Variants in KCNMA1 observed in about 807,000 individuals in gnomAD.
KCNMA1 encodes Calcium-activated potassium channel subunit alpha-1.
A neutral mutation model predicts 140.0 loss-of-function variants in KCNMA1; 29 were observed. The observed-to-expected ratio is 0.21, with a 90% CI of 0.15 to 0.28. KCNMA1 has a LOEUF of 0.28. Ranked by LOEUF, KCNMA1 falls within the 10% of genes least tolerant of loss-of-function variation. KCNMA1 has a pLI of 1.00. For synonymous variants in KCNMA1, 612 were observed against 611.9 expected (o/e 1.00, Z 0.00); for missense variants, 880 against 1,602.2 (o/e 0.55, Z 7.70).
chr10:76,897,635 C>A (rs1294098175), intron 25 of KCNMA1, among the ~76,000 whole-genome samples: 1 of 151,588 alleles, frequency 6.6e-6, no homozygotes, highest in African/African-American at 2.4e-5. Flanking sequence ...TAATTTTAAA[C>A]CCTTAGTAAC....
intron 2 of KCNMA1, among the ~76,000 whole-genome samples, chr10:77,280,387 G>A (rs2154294732): frequency 6.6e-6 from 1 of 152,320 alleles, no homozygotes; most frequent in Non-Finnish European, 1.5e-5. Context: ...TGAAAATTCT[G>A]TCCTGTCCAA....
At chr10:77,064,984 A>G (rs566216730) in intron 14 of KCNMA1, among the ~76,000 whole-genome samples, 4 of 152,310 alleles carry the variant, frequency 2.6e-5, no homozygotes, top group African/African-American at 7.2e-5. Context: ...AGGGAATCAT[A>G]TACAGTAGCA....
chr10:77,419,486 A>G (rs1166052806), intron 1 of KCNMA1, among the ~76,000 whole-genome samples: 1 of 152,132 alleles, frequency 6.6e-6, no homozygotes, highest in Non-Finnish European at 1.5e-5. Context: ...ACTAGAAGCT[A>G]GGCAGAAAGA....
chr10:76,989,630 G>A (rs1163346514), intron 19 of KCNMA1, among the ~76,000 whole-genome samples: 1 of 152,054 alleles, frequency 6.6e-6, no homozygotes, highest in Admixed American at 6.5e-5. Flanking sequence ...TGGTATTTTT[G>A]TTGGCTTATT....
intron 1 of KCNMA1, among the ~76,000 whole-genome samples, chr10:77,545,611 G>GC (rs1301122416): frequency 6.6e-6 from 1 of 152,168 alleles, no homozygotes; most frequent in Non-Finnish European, 1.5e-5. Context: ...GCATGGAGGT[G>GC]CCCCCCGGGC....
chr10:77,525,824 CCTT>C (rs1401779248), intron 1 of KCNMA1, among the ~76,000 whole-genome samples: 5 of 152,184 alleles, frequency 3.3e-5, no homozygotes, highest in Non-Finnish European at 7.3e-5. Flanking sequence ...GGTTCCCACT[CCTT>C]CTCCACAGTG....
intron 1 of KCNMA1, among the ~76,000 whole-genome samples, chr10:77,615,133 G>T (rs1178879482): frequency 6.6e-6 from 1 of 152,160 alleles, no homozygotes; most frequent in African/African-American, 2.4e-5. Flanking sequence ...AGTAGCACAG[G>T]TTCCTAAATA....
chr10:77,156,779 C>T (rs978696806), intron 5 of KCNMA1, among the ~76,000 whole-genome samples: 13 of 152,148 alleles, frequency 8.5e-5, no homozygotes, highest in Non-Finnish European at 1.3e-4. Context: ...GCATTTCTGG[C>T]GAGTGACTGA....
chr10:77,026,893 G>A lies in KCNMA1; in HGVS notation c.1928+930C>T, dbSNP rs151046938. On this transcript the variant is annotated intron_variant, in intron 16 of 27. Coordinates refer to ENST00000286628, the MANE Select transcript of KCNMA1 (RefSeq NM_001161352.2). Reference sequence around the variant, plus strand: ...TCCTTAAATGATGATAAAAGGAAACGTCTAGTCTTCCCCTGTACTCTGCTC... The same window carrying A: ...TCCTTAAATGATGATAAAAGGAAACATCTAGTCTTCCCCTGTACTCTGCTC... Among the ~76,000 whole-genome samples the A allele has an allele frequency of 1.4e-4, 22 of 152,274 alleles. 1 individual carries two copies. In the South Asian group the frequency reaches 3.7e-3, roughly 26 times the overall value.
At chr10:77,258,381 A>G (rs1195001556) in intron 2 of KCNMA1, among the ~76,000 whole-genome samples, 1 of 152,092 alleles carries the variant, frequency 6.6e-6, no homozygotes, top group Non-Finnish European at 1.5e-5. Context: ...CATCCCACAA[A>G]ACTAACACAA....
At chr10:77,001,629 G>T (rs1321837244) in intron 18 of KCNMA1, 49 bp from the exon 19 acceptor site, 3 of 1,470,698 alleles carry the variant, frequency 2.0e-6, no homozygotes, top group Non-Finnish European at 1.9e-6. Context: ...GCAATTAATG[G>T]CAAGGTCACA....
At chr10:77,312,036 A>G (rs1447113311) in intron 2 of KCNMA1, among the ~76,000 whole-genome samples, 2 of 152,228 alleles carry the variant, frequency 1.3e-5, no homozygotes, top group Non-Finnish European at 2.9e-5. Flanking sequence ...ATTCAGATGC[A>G]CACAGCCCAC....
chr10:77,463,612 G>C (rs1157654973), intron 1 of KCNMA1, among the ~76,000 whole-genome samples: 1 of 152,212 alleles, frequency 6.6e-6, no homozygotes, highest in South Asian at 2.1e-4. Flanking sequence ...TGCTCCAAGA[G>C]GGAGTTAATT....
intron 2 of KCNMA1, among the ~76,000 whole-genome samples, chr10:77,285,619 G>T (rs2070528432): frequency 6.6e-6 from 1 of 152,080 alleles, no homozygotes; most frequent in Admixed American, 6.5e-5. Context: ...AACTCAATTT[G>T]CCCCAGGTAG....
chr10:77,594,138 G>A (rs2080076976), intron 1 of KCNMA1, among the ~76,000 whole-genome samples: 1 of 152,130 alleles, frequency 6.6e-6, no homozygotes, highest in African/African-American at 2.4e-5. Context: ...GAAAAGAAAG[G>A]GACAATGGTC....
chr10:77,179,419 C>T (rs933534653), intron 5 of KCNMA1, among the ~76,000 whole-genome samples: 1 of 152,150 alleles, frequency 6.6e-6, no homozygotes, highest in Non-Finnish European at 1.5e-5. Flanking sequence ...GCTCTGCATT[C>T]TTCTGGTCCT....
At chr10:76,903,381 G>A (rs2046394560) in intron 25 of KCNMA1, 1 of 152,048 alleles carries the variant, frequency 6.6e-6, no homozygotes, top group African/African-American at 2.4e-5. Context: ...CCATGTCATA[G>A]CTGCCATTTT....
chr10:77,051,392 G>A (rs984853583), intron 14 of KCNMA1, among the ~76,000 whole-genome samples: 4 of 152,186 alleles, frequency 2.6e-5, no homozygotes, highest in African/African-American at 9.7e-5. Context: ...TGATTGGGAA[G>A]CCAAATGGGT....
At chr10:77,240,325 A>C (rs1161598435) in intron 3 of KCNMA1, among the ~76,000 whole-genome samples, 4 of 152,226 alleles carry the variant, frequency 2.6e-5, no homozygotes, top group Non-Finnish European at 5.9e-5. Flanking sequence ...TTGGTGTGGC[A>C]TACAGTATTT....
Sources: allele counts gnomAD v4.1 joint callset (sites outside exome capture counted in the v4.1 genomes callset), GRCh38; gene constraint gnomAD v4.1.1; transcripts MANE v1.5; gene names NCBI Gene and HGNC (gene_info 2026-07-23, HGNC 2026-07-21).